The following CDK8 variants were observed in gnomAD, a reference collection of about 807,000 sequenced individuals.
CDK8 encodes the protein cyclin dependent kinase 8, also known as cyclin-dependent kinase 8.
A neutral mutation model predicts 71.5 loss-of-function variants in CDK8; 29 were observed. The observed-to-expected ratio is 0.41, with a 90% confidence interval of 0.30 to 0.55. The LOEUF (loss-of-function observed/expected upper bound fraction) is 0.55, where lower values mean the gene tolerates loss of function less well. Among genes scored for constraint, CDK8 ranks in the 20% least tolerant of loss-of-function variants. The pLI is 0.37. For missense variants in CDK8, 288 were observed against 572.6 expected, an observed-to-expected ratio of 0.50 and a Z score of 5.07; for synonymous variants, 161 against 192.1, an observed-to-expected ratio of 0.84 and a Z score of 1.34.
chr13:26,306,764 G>T (rs924136096), intron 1 of CDK8, among the ~76,000 whole-genome samples: 1 of 151,852 alleles, frequency 6.6e-6, no homozygotes, highest in Admixed American at 6.6e-5. Context: ...GAGTAGCTGG[G>T]ACTACAGGCA....
At chr13:26,377,671 A>G (rs569820439) in intron 4 of CDK8, among the ~76,000 whole-genome samples, 5 of 152,166 alleles carry the variant, frequency 3.3e-5, no homozygotes, top group African/African-American at 4.8e-5. Flanking sequence ...ATACCCCTGA[A>G]AAAAAGAGGA....
chr13:26,282,610 C>G (rs1315324527), intron 1 of CDK8, among the ~76,000 whole-genome samples: 1 of 152,082 alleles, frequency 6.6e-6, no homozygotes, highest in East Asian at 1.9e-4. Context: ...AAAATAGAAC[C>G]TTCTCAAAGC....
At chr13:26,273,844 G>A (rs1434346953) in intron 1 of CDK8, among the ~76,000 whole-genome samples, 2 of 151,978 alleles carry the variant, frequency 1.3e-5, no homozygotes, top group Non-Finnish European at 2.9e-5. Flanking sequence ...TAAAGTCTAA[G>A]AAGAAAATAA....
chr13:26,397,146 C>T lies in CDK8; in HGVS notation c.861-7C>T, dbSNP rs750909455. The T allele has an allele frequency of 2.0e-6, 3 of 1,534,378 alleles. No homozygotes were observed. Among genetic ancestry groups the T allele is most frequent in the Non-Finnish European group, 2.7e-6 (3 of 1,110,330 alleles). ...AATATAGCTATTTCATAGTATTTCT[C>T]TTTCAGGTATACCAACTGCAGCCTT... On this transcript the variant is annotated splice_polypyrimidine_tract_variant and splice_region_variant and intron_variant, in intron 8 of 12. Transcript: ENST00000381527.
In CDK8 at chr13:26,330,398, T is replaced by C. The variant is rs191664083; in HGVS notation, c.129-7169T>C. On this transcript the variant is annotated intron_variant, in intron 1 of 12. Coordinates refer to ENST00000381527, the MANE Select transcript of CDK8 (RefSeq NM_001260.3). ...TTTTGTGTTTTTAGTGGAGGCAGGG[T>C]TTCACCATGTTGGCCAGGCTGGCCT... Among the ~76,000 whole-genome samples the C allele has an allele frequency of 1.2e-3, 187 of 152,208 alleles. 2 individuals carry two copies. Among genetic ancestry groups the C allele is most frequent in the Admixed American group, 2.4e-3 (37 of 15,296 alleles).
chr13:26,338,673 T>A (rs529957146), intron 2 of CDK8, among the ~76,000 whole-genome samples: 6 of 152,160 alleles, frequency 3.9e-5, no homozygotes, highest in Non-Finnish European at 8.8e-5. Flanking sequence ...TAATTGATAC[T>A]TTTTTAATAC....
chr13:26,338,318 C>T (rs1312460126), intron 2 of CDK8, among the ~76,000 whole-genome samples: 3 of 152,018 alleles, frequency 2.0e-5, no homozygotes, highest in Admixed American at 6.6e-5. Context: ...TTGCTCTCAG[C>T]CCTTCTATTA....
At position 26,294,789 on chromosome 13, in the gene CDK8, C is replaced by T. The variant is rs539222795; in HGVS notation, c.128+40020C>T. On this transcript the variant is annotated intron_variant, in intron 1 of 12. Transcript: ENST00000381527. Reference sequence around the variant, plus strand: ...TTTTTTGAGAGGAGTCTTGCTCCGTCGCCAGGCTGGAGTGCTGTGGTATGA... The same window carrying T: ...TTTTTTGAGAGGAGTCTTGCTCCGTTGCCAGGCTGGAGTGCTGTGGTATGA... Among the ~76,000 whole-genome samples the T allele has an allele frequency of 3.7e-4, 56 of 152,146 alleles. No individual in the cohort carries two copies. In the South Asian group the frequency reaches 4.8e-3, roughly 13 times the overall value.
intron 1 of CDK8, among the ~76,000 whole-genome samples, chr13:26,321,968 T>C (rs925583209): frequency 6.6e-6 from 1 of 152,196 alleles, no homozygotes; most frequent in Non-Finnish European, 1.5e-5. Context: ...CATGTGGTGC[T>C]GACTTCAACA....
intron 1 of CDK8, among the ~76,000 whole-genome samples, chr13:26,258,825 C>T (rs974580528): frequency 6.6e-6 from 1 of 152,094 alleles, no homozygotes; most frequent in African/African-American, 2.4e-5. Context: ...ATTTTTTAGT[C>T]TCATGCTTTA....
At chr13:26,365,597 C>T (rs1331176142) in intron 4 of CDK8, among the ~76,000 whole-genome samples, 1 of 151,996 alleles carries the variant, frequency 6.6e-6, no homozygotes, top group Non-Finnish European at 1.5e-5. Context: ...AATGGAGTTT[C>T]TTTAAGATGT....
intron 1 of CDK8, among the ~76,000 whole-genome samples, chr13:26,323,335 GA>G (rs1874875399): frequency 2.9e-4 from 1 of 3,436 alleles, no homozygotes; most frequent in Non-Finnish European, 3.8e-3. Flanking sequence ...GAGGGAGAGA[GA>G]GAGGGAGAGG....
intron 10 of CDK8, 102 bp downstream of exon 10, chr13:26,400,652 C>T (rs896071373): frequency 1.3e-6 from 1 of 745,686 alleles, no homozygotes; most frequent in African/African-American, 1.7e-5. Context: ...TATATGGGAA[C>T]CCAAGGAAAT....
chr13:26,389,915 T>G (rs1315970054), intron 6 of CDK8, among the ~76,000 whole-genome samples: 1 of 152,116 alleles, frequency 6.6e-6, no homozygotes, highest in Non-Finnish European at 1.5e-5. Flanking sequence ...GGAGAATTGC[T>G]TGAACCTGAG....
At chr13:26,374,229 G>T (rs9507706) in intron 4 of CDK8, among the ~76,000 whole-genome samples, 151,517 of 151,918 alleles carry the variant, frequency 1, 75,560 homozygotes, top group Middle Eastern at 1. Context: ...AGATTCATGC[G>T]ATTATGAGAA....
intron 2 of CDK8, among the ~76,000 whole-genome samples, chr13:26,348,504 A>T (rs1367255822): frequency 6.6e-6 from 1 of 152,116 alleles, no homozygotes; most frequent in Non-Finnish European, 1.5e-5. Context: ...TCTAATGCCT[A>T]ATGAATGATC....
intron 1 of CDK8, among the ~76,000 whole-genome samples, chr13:26,304,915 G>A (rs1241681942): frequency 1.3e-5 from 2 of 152,034 alleles, no homozygotes; most frequent in African/African-American, 2.4e-5. Context: ...TGATCCCCCT[G>A]CCTCAGCCTC....
At chr13:26,321,566 T>C (rs565388270) in intron 1 of CDK8, among the ~76,000 whole-genome samples, 1 of 152,210 alleles carries the variant, frequency 6.6e-6, no homozygotes, top group Admixed American at 6.5e-5. Context: ...AATTAAAAAA[T>C]GGAAAAAAAG....
Position 26,254,418 on chromosome 13 carries a change from C to G in CDK8, c.-224C>G. The G allele has an allele frequency of 2.4e-6, 1 of 409,384 alleles. No homozygotes were observed. The highest frequency in any genetic ancestry group is 4.5e-6 in the Non-Finnish European group (1 of 224,528). The allele number at this position is 409,384 out of a possible 1,614,324, so 25.4% of individuals were successfully genotyped here. A position where few individuals can be genotyped will look rare whatever the true frequency, so the allele number is the denominator to read the frequency against. The stretch of plus-strand genomic sequence containing the variant: ...CTCTCCTTCGCCGGGGGATCCTCCC[C>G]GTTCCTCCACCCCCGGCCGGCCTCT... On this transcript the variant is annotated 5_prime_UTR_variant, in exon 1 of 13. Coordinates refer to ENST00000381527, the MANE Select transcript of CDK8 (RefSeq NM_001260.3). This position sits in a 1 kb window ranked among gnomAD's most constrained non-coding sequence, Gnocchi z 6.7.
Sources: gnomAD v4.1 joint callset for allele counts (sites outside exome capture counted in the v4.1 genomes callset) on GRCh38, gnomAD v4.1.1 for gene constraint, Gnocchi (gnomAD v3.1) non-coding constraint, MANE v1.5 for transcripts, NCBI Gene and HGNC (gene_info 2026-07-23, HGNC 2026-07-21) for gene names.